TENM2: variants seen among roughly 807,000 people sequenced by gnomAD.
TENM2 encodes teneurin-2.
A neutral mutation model predicts 245.2 loss-of-function variants in TENM2; 52 were observed. The ratio of observed to expected loss-of-function variants is 0.21; its 90% CI spans 0.17 to 0.27. The LOEUF is 0.27. Ranked by LOEUF, TENM2 falls within the 10% of genes least tolerant of loss-of-function variation. The probability of loss-of-function intolerance (pLI) is 1.00; values close to 1 mark genes in which losing one functional copy is unlikely to be tolerated. For missense variants in TENM2, 3,046 were observed against 3,666.8 expected, an observed-to-expected ratio of 0.83 and a Z score of 4.37; for synonymous variants, 1,363 against 1,438.9, an observed-to-expected ratio of 0.95 and a Z score of 1.19.
At chr5:167,900,362 A>G (rs1020918716) in intron 3 of TENM2, among the ~76,000 whole-genome samples, 2 of 152,138 alleles carry the variant, frequency 1.3e-5, no homozygotes, top group African/African-American at 4.8e-5. Context: ...TCTGTGTATC[A>G]TGAAGGTGGA....
At chr5:168,104,332 CCTT>C (rs1327718082) in intron 9 of TENM2, among the ~76,000 whole-genome samples, 2 of 152,084 alleles carry the variant, frequency 1.3e-5, no homozygotes, top group African/African-American at 4.8e-5. Context: ...CCAGGCCTGT[CCTT>C]CTTTCTTGAT....
At chr5:167,280,563 C>T (rs1411200720), upstream of TENM2, among the ~76,000 whole-genome samples, 2 of 151,988 alleles carry the variant, frequency 1.3e-5, no homozygotes, top group African/African-American at 4.8e-5. Flanking sequence ...GGTGGGGCCA[C>T]AGTTGGTTTC....
At chr5:167,391,388 G>A (rs755051866) in intron 2 of TENM2, among the ~76,000 whole-genome samples, 1 of 152,086 alleles carries the variant, frequency 6.6e-6, no homozygotes, top group Non-Finnish European at 1.5e-5. Flanking sequence ...CATTTTGGGA[G>A]GCTGAGGCGA....
the TENM2 span, among the ~76,000 whole-genome samples, chr5:167,076,022 A>G: frequency 6.6e-6 from 1 of 152,140 alleles, no homozygotes; most frequent in South Asian, 2.1e-4. Flanking sequence ...CTTTTCATGT[A>G]AGCTTATGCC....
chr5:167,389,441 A>G (rs1348851136), intron 2 of TENM2, among the ~76,000 whole-genome samples: 3 of 151,988 alleles, frequency 2.0e-5, no homozygotes, highest in Non-Finnish European at 4.4e-5. Context: ...TGCCCTATAT[A>G]GCATTATTTT....
intron 2 of TENM2, among the ~76,000 whole-genome samples, chr5:167,556,246 G>A (rs927532507): frequency 1.3e-5 from 2 of 151,994 alleles, no homozygotes; most frequent in African/African-American, 4.8e-5. Flanking sequence ...GAAATGCAAA[G>A]ATTTTCAGTC....
the TENM2 span, among the ~76,000 whole-genome samples, chr5:167,151,400 CA>C: frequency 6.6e-5 from 10 of 152,140 alleles, no homozygotes; most frequent in African/African-American, 2.4e-4. Context: ...GAGCATAGTT[CA>C]AAGGAAGTAG....
At chr5:168,049,481 G>C (rs1371964830) in intron 6 of TENM2, among the ~76,000 whole-genome samples, 1 of 152,108 alleles carries the variant, frequency 6.6e-6, no homozygotes, top group African/African-American at 2.4e-5. Flanking sequence ...CTTCATAAAT[G>C]GGAATTAGTG....
chr5:166,993,314 C>T, the TENM2 span, among the ~76,000 whole-genome samples: 38 of 152,154 alleles, frequency 2.5e-4, no homozygotes, highest in African/African-American at 8.9e-4. Flanking sequence ...TGCCCTCCCG[C>T]GAGGGTCTCC....
intron 2 of TENM2, among the ~76,000 whole-genome samples, chr5:167,480,477 G>T (rs1357120601): frequency 6.6e-6 from 1 of 152,164 alleles, no homozygotes; most frequent in Non-Finnish European, 1.5e-5. Flanking sequence ...TGTGAACATG[G>T]GATGCTTTGC....
rs115325851 is a variant in TENM2 at position 167,750,416 on chromosome 5, G to C, written c.503-125570G>C. 5.8e-3 allele frequency among the ~76,000 whole-genome samples: 881 copies of C among 152,168 alleles called. 11 individuals carry two copies. The highest frequency in any genetic ancestry group is 0.02 in the African/African-American group (845 of 41,502). On this transcript the variant is annotated intron_variant, in intron 2 of 28. Coordinates refer to ENST00000518659, the Ensembl canonical transcript of TENM2. ...AATTCTTGACAAAGGCATTGTCCTCGTCATCCTGTAGTGGTCCTCTTCTTT... is the reference window on the plus strand; with the variant it reads ...AATTCTTGACAAAGGCATTGTCCTCCTCATCCTGTAGTGGTCCTCTTCTTT...
the TENM2 span, among the ~76,000 whole-genome samples, chr5:167,181,201 A>G: frequency 2.6e-5 from 4 of 152,156 alleles, no homozygotes; most frequent in Admixed American, 1.3e-4. Flanking sequence ...TTTAGAACCT[A>G]TGACAACAAA....
intron 2 of TENM2, among the ~76,000 whole-genome samples, chr5:167,427,946 A>G (rs1047240946): frequency 3.6e-4 from 54 of 151,794 alleles, no homozygotes; most frequent in Admixed American, 1.3e-4. Context: ...GAAGGGAAGG[A>G]AGGAAGGAAG....
At chr5:167,760,083 G>A (rs1762564628) in intron 2 of TENM2, among the ~76,000 whole-genome samples, 1 of 152,170 alleles carries the variant, frequency 6.6e-6, no homozygotes, top group African/African-American at 2.4e-5. Context: ...GGAGAGAGGA[G>A]CTAAATTTCT....
chr5:167,549,277 GT>G (rs1554176083), intron 2 of TENM2, among the ~76,000 whole-genome samples: 1 of 152,018 alleles, frequency 6.6e-6, no homozygotes, highest in Non-Finnish European at 1.5e-5. Context: ...GGTCACTCCT[GT>G]ACTGTATCTA....
intron 2 of TENM2, among the ~76,000 whole-genome samples, chr5:167,704,190 G>A (rs1758349241): frequency 6.6e-6 from 1 of 152,142 alleles, no homozygotes; most frequent in Admixed American, 6.5e-5. Context: ...AGAGGTAGCT[G>A]GAGGGAGGAT....
intron 2 of TENM2, among the ~76,000 whole-genome samples, chr5:167,804,838 A>T (rs1766033454): frequency 6.6e-6 from 1 of 152,172 alleles, no homozygotes; most frequent in Non-Finnish European, 1.5e-5. Context: ...TAGGAGAAAA[A>T]AAAGTAAGCT....
intron 2 of TENM2, among the ~76,000 whole-genome samples, chr5:167,541,717 C>T (rs1772224199): frequency 1.3e-5 from 2 of 152,168 alleles, no homozygotes; most frequent in Non-Finnish European, 2.9e-5. Context: ...ATATTACAGC[C>T]TCCAATGTAT....
intron 12 of TENM2, among the ~76,000 whole-genome samples, chr5:168,158,149 C>G (rs555660924): frequency 6.6e-6 from 1 of 152,146 alleles, no homozygotes; most frequent in Non-Finnish European, 1.5e-5. Context: ...TCTCGAACTC[C>G]GGACTTCAGG....
Sources: allele counts gnomAD v4.1 joint callset (sites outside exome capture counted in the v4.1 genomes callset), GRCh38; gene constraint gnomAD v4.1.1; transcripts MANE v1.5; gene names NCBI Gene and HGNC (gene_info 2026-07-23, HGNC 2026-07-21).